PTPRT: variants seen among roughly 807,000 people sequenced by gnomAD.
PTPRT encodes protein tyrosine phosphatase receptor type T, also known as receptor-type tyrosine-protein phosphatase T.
PTPRT carries 56 observed loss-of-function variants against 176.8 expected under a neutral mutation model. The observed-to-expected ratio is 0.32, with a 90% CI of 0.26 to 0.40. PTPRT has a LOEUF of 0.40. Ranked by LOEUF, PTPRT falls within the 10% of genes least tolerant of loss-of-function variation. PTPRT has a pLI of 1.00. For synonymous variants in PTPRT, 783 were observed against 739.0 expected, an observed-to-expected ratio of 1.06 and a Z score of -0.96; for missense variants, 1,540 against 1,908.2, an observed-to-expected ratio of 0.81 and a Z score of 3.60.
intron 9 of PTPRT, among the ~76,000 whole-genome samples, chr20:42,419,900 C>A (rs73121630): frequency 0.11 from 17,391 of 152,102 alleles, 973 homozygotes; most frequent in Middle Eastern, 0.14. Context: ...GAGAACGCCA[C>A]GTGGAGACAG....
At chr20:42,510,514 T>C (rs1265429699) in intron 7 of PTPRT, among the ~76,000 whole-genome samples, 3 of 152,032 alleles carry the variant, frequency 2.0e-5, no homozygotes, top group Non-Finnish European at 4.4e-5. Flanking sequence ...GGGTATTTAC[T>C]GGGTCATACA....
At chr20:42,055,971 T>G in the PTPRT span, among the ~76,000 whole-genome samples, 1 of 152,142 alleles carries the variant, frequency 6.6e-6, no homozygotes, top group Non-Finnish European at 1.5e-5. Context: ...GGTAGGTTTG[T>G]GCACCACATG....
the PTPRT span, among the ~76,000 whole-genome samples, chr20:42,067,219 C>A: frequency 6.6e-6 from 1 of 152,128 alleles, no homozygotes; most frequent in Non-Finnish European, 1.5e-5. Flanking sequence ...ATTTGACAGC[C>A]TGTGAGGGCA....
intron 27 of PTPRT, among the ~76,000 whole-genome samples, chr20:42,090,332 T>C (rs1375216537): frequency 6.6e-6 from 1 of 151,046 alleles, no homozygotes; most frequent in Non-Finnish European, 1.5e-5. Context: ...TCAGCCAGCT[T>C]GGGGTAGCTG....
chr20:43,079,886 T>C (rs1466446951), intron 1 of PTPRT, among the ~76,000 whole-genome samples: 2 of 152,200 alleles, frequency 1.3e-5, no homozygotes, highest in Non-Finnish European at 2.9e-5. Context: ...TAGTTTAGAG[T>C]AGTAGCAATC....
At chr20:42,690,970 C>A (rs2075784033) in intron 6 of PTPRT, among the ~76,000 whole-genome samples, 2 of 152,196 alleles carry the variant, frequency 1.3e-5, no homozygotes, top group South Asian at 4.1e-4. Flanking sequence ...TGGACCCCTG[C>A]ACTGGTCTTT....
intron 1 of PTPRT, among the ~76,000 whole-genome samples, chr20:42,941,680 T>C (rs930952406): frequency 1.3e-5 from 2 of 152,110 alleles, no homozygotes; most frequent in African/African-American, 4.8e-5. Flanking sequence ...CCTTTAATGA[T>C]GTCACTAGTG....
Position 43,189,681 on chromosome 20 carries a change from G to A in PTPRT, c.53C>T (p.Pro18Leu). The A allele has an allele frequency of 2.3e-6, 3 of 1,319,410 alleles. No individual in the cohort carries two copies. The highest frequency in any genetic ancestry group is 2.0e-5 in the South Asian group (1 of 49,720). The allele number at this position is 1,319,410 out of a possible 1,614,324, so 81.7% of individuals were successfully genotyped here. A position where few individuals can be genotyped will look rare whatever the true frequency, so the allele number is the denominator to read the frequency against. ...ALSLLLRLQL[P>L]PLPGARAQSA... ...CTGAGCCCGGGCGCCGGGCAGTGGC[G>A]GCAGCTGCAGCCTCAGGAGCAGGCT... Residue 18 changes from proline (P) to leucine (L), a missense_variant, in exon 1 of 31, where the codon CCG (proline) becomes CTG (leucine). Coordinates refer to ENST00000373187, the MANE Select transcript of PTPRT (RefSeq NM_007050.6). The surrounding 1 kb of genome is among the most constrained non-coding windows in gnomAD (Gnocchi z 5.0).
At chr20:43,182,057 G>A (rs1038280321) in intron 1 of PTPRT, among the ~76,000 whole-genome samples, 5 of 152,136 alleles carry the variant, frequency 3.3e-5, no homozygotes, top group African/African-American at 1.2e-4. Context: ...TTTTTTAAAA[G>A]TCCTGCTTGC....
At chr20:42,990,133 T>G (rs771785808) in intron 1 of PTPRT, among the ~76,000 whole-genome samples, 14 of 152,216 alleles carry the variant, frequency 9.2e-5, no homozygotes, top group South Asian at 4.1e-4. Context: ...AAAAAACATA[T>G]GCACTTTTAA....
At chr20:42,571,408 C>T (rs925477149) in intron 7 of PTPRT, among the ~76,000 whole-genome samples, 3 of 152,124 alleles carry the variant, frequency 2.0e-5, no homozygotes, top group African/African-American at 4.8e-5. Context: ...GAAATGGATT[C>T]GCCTCTAGAT....
intron 1 of PTPRT, among the ~76,000 whole-genome samples, chr20:43,054,704 G>A (rs1987170874): frequency 6.6e-6 from 1 of 152,000 alleles, no homozygotes; most frequent in African/African-American, 2.4e-5. Flanking sequence ...GTTTGGAGAA[G>A]CTCTTGTGGA....
chr20:42,078,980 C>G lies in PTPRT; in HGVS notation c.*1899G>C, dbSNP rs1983048360. 5.6e-6 allele frequency: 1 copy of G among 177,856 alleles called. No individual in the cohort carries two copies. Among genetic ancestry groups the G allele is most frequent in the Non-Finnish European group, 1.2e-5 (1 of 82,746 alleles). 11.0% of individuals were successfully genotyped at this position (177,856 alleles called of 1,614,324 possible). ...TGGGCTCTTGAGGGCCAAAGCTGTACCTTCTTGAATTCTCTGCCCCTCATG... is the reference window on the plus strand; with the variant it reads ...TGGGCTCTTGAGGGCCAAAGCTGTAGCTTCTTGAATTCTCTGCCCCTCATG... On this transcript the variant is annotated 3_prime_UTR_variant, in exon 31 of 31. Coordinates refer to ENST00000373187, the MANE Select transcript of PTPRT (RefSeq NM_007050.6).
intron 6 of PTPRT, among the ~76,000 whole-genome samples, chr20:42,741,222 TG>T (rs1314270737): frequency 2.0e-5 from 3 of 152,232 alleles, no homozygotes; most frequent in Non-Finnish European, 4.4e-5. Context: ...TGGTAACTTC[TG>T]TTGGCATCAT....
At chr20:43,007,721 C>T (rs549944540) in intron 1 of PTPRT, among the ~76,000 whole-genome samples, 26 of 152,308 alleles carry the variant, frequency 1.7e-4, no homozygotes, top group African/African-American at 6.3e-4. Context: ...AATCATGACT[C>T]AGCTTTCTTT....
chr20:42,901,758 C>G (rs2145917112), intron 1 of PTPRT, among the ~76,000 whole-genome samples: 1 of 152,312 alleles, frequency 6.6e-6, no homozygotes, highest in South Asian at 2.1e-4. Context: ...GGAAAGGAAG[C>G]AGAAAAATAA....
At chr20:42,297,766 G>T (rs911803001) in intron 12 of PTPRT, among the ~76,000 whole-genome samples, 22 of 151,838 alleles carry the variant, frequency 1.4e-4, no homozygotes, top group Non-Finnish European at 2.9e-5. Flanking sequence ...CAAATTATCG[G>T]GACAAAAATG....
intron 12 of PTPRT, among the ~76,000 whole-genome samples, chr20:42,300,601 AAAG>A (rs1177792475): frequency 3.9e-5 from 6 of 152,102 alleles, no homozygotes; most frequent in African/African-American, 1.4e-4. Context: ...CAACTGAATA[AAAG>A]AAGAATCTAT....
intron 1 of PTPRT, among the ~76,000 whole-genome samples, chr20:42,956,719 C>T (rs543249001): frequency 6.6e-6 from 1 of 152,170 alleles, no homozygotes; most frequent in Non-Finnish European, 1.5e-5. Context: ...GTGACAAAGT[C>T]TCACCTTCTC....
Sources: allele counts gnomAD v4.1 joint callset (sites outside exome capture counted in the v4.1 genomes callset), GRCh38; gene constraint gnomAD v4.1.1; non-coding constraint Gnocchi (gnomAD v3.1); transcripts MANE v1.5; gene names NCBI Gene and HGNC (gene_info 2026-07-23, HGNC 2026-07-21).